The following PRSS23 variants were observed in gnomAD, a reference collection of about 807,000 sequenced individuals.
The protein encoded by PRSS23 is serine protease 23, also known as protease, serine 23.
Under a neutral mutation model 34.7 loss-of-function variants are expected in PRSS23, and 25 were observed. That is an observed-to-expected ratio of 0.72 (90% confidence interval 0.53 to 1.01). PRSS23 has a LOEUF of 1.01. PRSS23 is among the 50% of genes least tolerant of loss of function. The pLI is 0.00. For synonymous variants in PRSS23, 176 were observed against 186.6 expected (o/e 0.94, Z 0.46); for missense variants, 445 against 475.6 (o/e 0.94, Z 0.60).
In PRSS23 at chr11:86,905,313, C is replaced by A. The variant is rs180674940; in HGVS notation, c.207-45903C>A. On this transcript the variant is annotated intron_variant, in intron 2 of 2. Transcript: ENST00000533902. ...TAATAATCTCTTTCTGGCTATTCCA[C>A]AGGGCTATGGGTTTTAAGCATGATA... Among the ~76,000 whole-genome samples, 9 of 152,276 alleles carry A rather than the reference C, an allele frequency of 5.9e-5. No homozygotes were observed. In the East Asian group the frequency reaches 1.5e-3, roughly 26 times the overall value.
At chr11:86,919,265 C>T (rs1203853688) in intron 2 of PRSS23, among the ~76,000 whole-genome samples, 1 of 152,188 alleles carries the variant, frequency 6.6e-6, no homozygotes, top group Non-Finnish European at 1.5e-5. Context: ...TCCTTGGGAA[C>T]CAGACTCTTT....
intron 2 of PRSS23, chr11:86,951,077 G>A (rs1949286095): frequency 6.4e-7 from 1 of 1,554,736 alleles, no homozygotes; most frequent in African/African-American, 1.4e-5. Context: ...ACTTTTAGTA[G>A]AATTTCCTCC....
intron 2 of PRSS23, among the ~76,000 whole-genome samples, chr11:86,834,521 C>A (rs934773571): frequency 1.5e-4 from 21 of 139,092 alleles, no homozygotes; most frequent in Admixed American, 6.6e-4. Flanking sequence ...CTTTCCTTTC[C>A]TTTCCTTTCC....
At chr11:86,928,170 T>C (rs1949094629) in intron 2 of PRSS23, among the ~76,000 whole-genome samples, 2 of 148,276 alleles carry the variant, frequency 1.3e-5, no homozygotes, top group South Asian at 4.2e-4. Context: ...TATATGTATA[T>C]GTTAATATAT....
Position 86,939,426 on chromosome 11 carries a change from A to ATATATATATATTTTTTT in PRSS23, c.207-11789_207-11788insATATATATATTTTTTTT. On this transcript the variant is annotated intron_variant, in intron 2 of 2. Coordinates refer to the PRSS23 transcript ENST00000533902. ...AAAATATATATATATATATATATAT[A>ATATATATATATTTTTTT]TTTTTTAACATGAGTAAAAATTGCA... Among the ~76,000 whole-genome samples, 579 of 93,920 alleles carry ATATATATATATTTTTTT rather than the reference A, an allele frequency of 6.2e-3. 6 individuals are homozygous for ATATATATATATTTTTTT. The highest frequency in any genetic ancestry group is 0.033 in the East Asian group (110 of 3,346). 61.6% of individuals were successfully genotyped at this position (93,920 alleles called of 152,430 possible).
At chr11:86,800,317 C>A, upstream of PRSS23, 2 of 403,078 alleles carry the variant, frequency 5.0e-6, no homozygotes, top group Non-Finnish European at 6.7e-6. Context: ...ACTGCTGCCG[C>A]GCCACCGGGG....
intron 2 of PRSS23, among the ~76,000 whole-genome samples, chr11:86,839,597 G>A (rs1183798731): frequency 6.6e-6 from 1 of 151,948 alleles, no homozygotes; most frequent in Non-Finnish European, 1.5e-5. Context: ...AGGAAATACA[G>A]AGAACACCAC....
At chr11:86,792,255 C>G (rs1184646222) in intron 1 of PRSS23, among the ~76,000 whole-genome samples, 2 of 152,168 alleles carry the variant, frequency 1.3e-5, no homozygotes, top group Non-Finnish European at 2.9e-5. Flanking sequence ...TTCCTCCGTC[C>G]TTGGGGAGCC....
chr11:86,922,607 T>G (rs1279236270), intron 2 of PRSS23, among the ~76,000 whole-genome samples: 1 of 152,184 alleles, frequency 6.6e-6, no homozygotes, highest in African/African-American at 2.4e-5. Flanking sequence ...TCAGTAAAAA[T>G]AAATACTTTC....
intron 2 of PRSS23, among the ~76,000 whole-genome samples, chr11:86,875,460 C>T (rs1463436386): frequency 6.6e-6 from 1 of 152,154 alleles, no homozygotes; most frequent in African/African-American, 2.4e-5. Flanking sequence ...TCCCTCTTGC[C>T]TCTTAATGTC....
intron 2 of PRSS23, among the ~76,000 whole-genome samples, chr11:86,826,422 A>G (rs1215856679): frequency 6.6e-6 from 1 of 152,186 alleles, no homozygotes; most frequent in East Asian, 1.9e-4. Flanking sequence ...TAGATATACA[A>G]TCATGTCATC....
At chr11:86,921,703 A>G (rs1949048303) in intron 2 of PRSS23, 1 of 152,240 alleles carries the variant, frequency 6.6e-6, no homozygotes, top group Admixed American at 6.5e-5. Flanking sequence ...TCAAGTTCAC[A>G]GACTTTATTT....
At chr11:86,890,753 G>A (rs943898435) in intron 2 of PRSS23, among the ~76,000 whole-genome samples, 1 of 152,166 alleles carries the variant, frequency 6.6e-6, no homozygotes, top group Middle Eastern at 3.4e-3. Flanking sequence ...CTGTTTGCAA[G>A]TGGTTGCAGT....
intron 2 of PRSS23, among the ~76,000 whole-genome samples, chr11:86,869,792 G>C (rs1948673035): frequency 6.6e-6 from 1 of 152,250 alleles, no homozygotes; most frequent in Non-Finnish European, 1.5e-5. Flanking sequence ...CTCTCAGATT[G>C]GTCACTGTGA....
At chr11:86,830,150 C>G (rs771097931) in intron 2 of PRSS23, among the ~76,000 whole-genome samples, 1 of 152,192 alleles carries the variant, frequency 6.6e-6, no homozygotes, top group Admixed American at 6.5e-5. Flanking sequence ...CCACCCAGCT[C>G]GAGCTTCCCA....
chr11:86,848,560 C>T (rs1334350908), intron 2 of PRSS23, among the ~76,000 whole-genome samples: 1 of 152,182 alleles, frequency 6.6e-6, no homozygotes, highest in Non-Finnish European at 1.5e-5. Context: ...CTCAGCCTTT[C>T]TAGAAATGCT....
At chr11:86,841,461 G>C (rs1370164146) in intron 2 of PRSS23, among the ~76,000 whole-genome samples, 1 of 150,816 alleles carries the variant, frequency 6.6e-6, no homozygotes, top group Non-Finnish European at 1.5e-5. Context: ...GGAGATAAGA[G>C]ACACAAAAAA....
intron 2 of PRSS23, among the ~76,000 whole-genome samples, chr11:86,904,602 A>G (rs1428476453): frequency 6.6e-6 from 1 of 152,188 alleles, no homozygotes; most frequent in South Asian, 2.1e-4. Flanking sequence ...ATGGGCTAGC[A>G]AACTTTTTCT....
At chr11:86,896,765 C>T (rs1007905492) in intron 2 of PRSS23, among the ~76,000 whole-genome samples, 3 of 152,236 alleles carry the variant, frequency 2.0e-5, no homozygotes, top group Admixed American at 6.5e-5. Context: ...TCCACTAATG[C>T]AGCGTCTACC....
Sources: gnomAD v4.1 joint callset for allele counts (sites outside exome capture counted in the v4.1 genomes callset) on GRCh38, gnomAD v4.1.1 for gene constraint, MANE v1.5 for transcripts, NCBI Gene and HGNC (gene_info 2026-07-23, HGNC 2026-07-21) for gene names.